Variants in RNF40 observed in about 807,000 individuals in gnomAD.
RNF40 encodes ring finger protein 40.
In RNF40, 39 loss-of-function variants were observed where a neutral mutation model predicts 123.3. That is an observed-to-expected ratio of 0.32 (90% CI 0.24 to 0.41). The LOEUF (loss-of-function observed/expected upper bound fraction) is 0.41. Among genes scored for constraint, RNF40 ranks in the 10% least tolerant of loss-of-function variants. The pLI is 1.00. For missense variants in RNF40, 1,003 were observed against 1,319.9 expected (o/e 0.76, Z 3.72); for synonymous variants, 538 against 526.0 (o/e 1.02, Z -0.31).
At position 30,764,158 on chromosome 16, in the gene RNF40, G is replaced by A. The variant is rs556298174; in HGVS notation, c.443-21G>A. The A allele has an allele frequency of 3.8e-6, 6 of 1,589,570 alleles. No individual in the cohort carries two copies. In the African/African-American group the frequency reaches 8.1e-5, roughly 21 times the overall value. The stretch of plus-strand genomic sequence containing the variant: ...GTAACTGCTGCTCTTATCCTCATGA[G>A]GGTCTGTCCATTCCTTCCAGACCCC... On this transcript the variant is annotated intron_variant, in intron 4 of 19. Transcript: ENST00000324685.
intron 19 of RNF40, among the ~76,000 whole-genome samples, chr16:30,773,032 G>C (rs887336105): frequency 6.6e-6 from 1 of 152,170 alleles, no homozygotes; most frequent in Non-Finnish European, 1.5e-5. Flanking sequence ...TACCATTTAG[G>C]GGGTTAGGAG....
rs943930777 is a variant in RNF40, at chr16:30,775,305, C to T, written c.*1191C>T. ...GGGAGGGCTCAGACTTAACGGCCGG[C>T]AGGGATCCCGGACTGGGCCTGAAGG... On this transcript the variant is annotated 3_prime_UTR_variant, in exon 20 of 20. Coordinates refer to ENST00000324685, the MANE Select transcript of RNF40 (RefSeq NM_014771.4). 3.0e-5 allele frequency: 9 copies of T among 301,686 alleles called. No homozygotes were observed. Among genetic ancestry groups the T allele is most frequent in the Non-Finnish European group, 3.2e-5 (5 of 154,274 alleles). The allele number at this position is 301,686 out of a possible 1,614,324, so 18.7% of individuals were successfully genotyped here.
At position 30,762,602 on chromosome 16, in the gene RNF40, AAAG is replaced by A; in HGVS notation, c.61_63del (p.Lys21del). 1 of 1,609,454 alleles carries A rather than the reference AAAG, an allele frequency of 6.2e-7. No individual in the cohort carries two copies. Among genetic ancestry groups the A allele is most frequent in the South Asian group, 1.1e-5 (1 of 90,774 alleles). On this transcript the variant is annotated inframe_deletion, in exon 2 of 20. Transcript: ENST00000324685. ...GCGACGGGGGCTCAGGGCCCCCGGA[AAAG>A]AAGCTGAGTCGTGAGGAGAAGACCA...
chr16:30,763,696 G>A (rs2053949141), intron 4 of RNF40, 137 bp downstream of exon 4: 1 of 912,320 alleles, frequency 1.1e-6, no homozygotes, highest in African/African-American at 1.7e-5. Flanking sequence ...GGGCAGTAAA[G>A]TGCAGTGCAC....
Position 30,768,918 on chromosome 16 carries a change from C to T in RNF40, c.2178C>T (p.Ala726=), listed in dbSNP as rs773177825. Residue 726 remains alanine, a synonymous_variant, in exon 15 of 20, where the codon GCC becomes GCT. Coordinates refer to ENST00000324685, the MANE Select transcript of RNF40 (RefSeq NM_014771.4). This position sits in a 1 kb window ranked among gnomAD's most constrained non-coding sequence, Gnocchi z 4.1. ...RESKKIADED[A]LRRIRQAEEQ... Reference sequence around the variant, plus strand: ...GCAAGAAGATCGCGGATGAGGATGCCCTGCGGCGCATTCGGCAGGCAGAGG... The same window carrying T: ...GCAAGAAGATCGCGGATGAGGATGCTCTGCGGCGCATTCGGCAGGCAGAGG... The T allele has an allele frequency of 3.7e-6, 6 of 1,614,154 alleles. No homozygotes were observed. The highest frequency in any genetic ancestry group is 4.5e-5 in the East Asian group (2 of 44,872).
Position 30,766,343 on chromosome 16 carries a change from C to T in RNF40, c.1114-36C>T, listed in dbSNP as rs185288034. ...GTAAGGGAGGGACTGAGCCCTGAAT[C>T]CTGTTGCTGATCCCATTTGGGCATC... is the stretch of plus-strand genomic sequence containing the variant. On this transcript the variant is annotated intron_variant, in intron 9 of 19. Transcript: ENST00000324685. The surrounding 1 kb of genome is among the most constrained non-coding windows in gnomAD (Gnocchi z 5.4). The T allele has an allele frequency of 4.6e-3, 7,410 of 1,612,412 alleles. 43 individuals carry two copies. Among genetic ancestry groups the T allele is most frequent in the Middle Eastern group, 0.015 (89 of 6,056 alleles).
chr16:30,772,893 T>C (rs2054172242), intron 19 of RNF40, among the ~76,000 whole-genome samples: 1 of 151,774 alleles, frequency 6.6e-6, no homozygotes, highest in South Asian at 2.1e-4. Flanking sequence ...CCAGAGTAGA[T>C]GGGTTCAGGA....
chr16:30,762,277 T>TGG (rs141812412), upstream of RNF40: 8,309 of 399,462 alleles, frequency 0.021, 54 homozygotes, highest in Non-Finnish European at 0.024. Flanking sequence ...TGCGCACCGT[T>TGG]GGGGGGGGGG....
intron 19 of RNF40, 81 bp downstream of exon 19, chr16:30,772,271 G>C (rs1384983201): frequency 6.1e-6 from 7 of 1,139,478 alleles, no homozygotes; most frequent in Non-Finnish European, 3.9e-6. Flanking sequence ...AGAGTCTGGG[G>C]ACCCTGGAAG....
At chr16:30,773,731 C>T (rs971263710) in intron 19 of RNF40, 12 of 491,060 alleles carry the variant, frequency 2.4e-5, no homozygotes, top group Non-Finnish European at 4.0e-5. Flanking sequence ...GTGATGAATC[C>T]GGACTCTGCT....
At chr16:30,762,283 G>C (rs918602626), upstream of RNF40, 3 of 464,040 alleles carry the variant, frequency 6.5e-6, no homozygotes, top group African/African-American at 2.1e-5. Flanking sequence ...CCGTTGGGGG[G>C]GGGGCAGTGG....
chr16:30,762,583 G>A lies in RNF40; in HGVS notation c.38G>A (p.Gly13Glu). 1.9e-6 allele frequency: 3 copies of A among 1,602,272 alleles called. No homozygotes were observed. Among genetic ancestry groups the A allele is most frequent in the Non-Finnish European group, 2.5e-6 (3 of 1,177,494 alleles). ...GPGNKRAAGD[G>E]GSGPPEKKLS... ...GGCAACAAACGCGCCGCCGGCGACG[G>A]GGGCTCAGGGCCCCCGGAAAAGAAG... The change falls in exon 2 of 20, where the codon GGG becomes GAG. Residue 13 changes from glycine (G) to glutamate (E), a missense_variant. Gly to Glu is a moderately conservative substitution (Grantham distance 98, BLOSUM62 -2). This residue lies in a region of RNF40 where 51 missense variants were observed against 56.2 expected (regional missense o/e 0.91). Coordinates refer to ENST00000324685, the MANE Select transcript of RNF40 (RefSeq NM_014771.4).
chr16:30,765,781 C>G (rs1431241544), intron 8 of RNF40, among the ~76,000 whole-genome samples: 1 of 152,186 alleles, frequency 6.6e-6, no homozygotes, highest in Non-Finnish European at 1.5e-5. Context: ...TGGTAACAGA[C>G]AAGAAATCAG....
chr16:30,771,875 C>T lies in RNF40; in HGVS notation c.2629C>T (p.Leu877=), dbSNP rs1301789857. 5.7e-5 allele frequency: 92 copies of T among 1,607,896 alleles called. No homozygotes were observed. The highest frequency in any genetic ancestry group is 3.1e-4 in the East Asian group (14 of 44,814). ...GCTGGCCGAGGACCTGAAGGTGCAG[C>T]TGGAGCACGTGCAGACTCGGCTGCG... is the stretch of plus-strand genomic sequence containing the variant. ...AQLAEDLKVQ[L]EHVQTRLREI... is the part of the protein sequence containing the mutation. The change falls in exon 18 of 20, where the codon CTG becomes TTG. Residue 877 remains leucine, a synonymous_variant. Coordinates refer to ENST00000324685, the MANE Select transcript of RNF40 (RefSeq NM_014771.4).
At chr16:30,764,056 A>G (rs1379999901) in intron 4 of RNF40, 123 bp from the exon 5 acceptor site, 2 of 703,488 alleles carry the variant, frequency 2.8e-6, no homozygotes, top group African/African-American at 1.8e-5. Context: ...TGGAGATAAT[A>G]GTGCACTATA....
In RNF40 at chr16:30,775,055, C is replaced by A. The variant is rs751855622; in HGVS notation, c.*941C>A. On this transcript the variant is annotated 3_prime_UTR_variant, in exon 20 of 20. Coordinates refer to ENST00000324685, the MANE Select transcript of RNF40 (RefSeq NM_014771.4). ...GTCTGCCTGCCCAGCCATGCTCCATCGGCTGTGAGGGCAGTGCCCGGAGAG... is the reference window on the plus strand; with the variant it reads ...GTCTGCCTGCCCAGCCATGCTCCATAGGCTGTGAGGGCAGTGCCCGGAGAG... 2.2e-6 allele frequency: 1 copy of A among 456,446 alleles called. No individual in the cohort carries two copies. Among genetic ancestry groups the A allele is most frequent in the Non-Finnish European group, 4.4e-6 (1 of 226,732 alleles). 28.3% of individuals were successfully genotyped at this position (456,446 alleles called of 1,614,324 possible).
Position 30,762,625 on chromosome 16 carries a change from A to G in RNF40, c.80A>G (p.Lys27Arg). The G allele has an allele frequency of 6.2e-7, 1 of 1,612,148 alleles. No homozygotes were observed. The highest frequency in any genetic ancestry group is 8.5e-7 in the Non-Finnish European group (1 of 1,179,690). The change falls in exon 2 of 20, where the codon AAG (lysine) becomes AGG (arginine). Residue 27 changes from lysine to arginine, a missense_variant. Around this residue, in one of 11 missense-constraint regions of RNF40, gnomAD observed 51 missense variants for 56.2 expected, o/e 0.91. Coordinates refer to ENST00000324685, the MANE Select transcript of RNF40 (RefSeq NM_014771.4). ...PPEKKLSREEKTTTTLIEPIR... is the reference protein window; with the variant it reads ...PPEKKLSREERTTTTLIEPIR... ...GAAAAGAAGCTGAGTCGTGAGGAGA[A>G]GACCACCACGACTCTTATCGAGCCC... is the stretch of plus-strand genomic sequence containing the variant.
At chr16:30,762,855 T>C (rs2053900508) in intron 2 of RNF40, 178 bp downstream of exon 2, 1 of 885,536 alleles carries the variant, frequency 1.1e-6, no homozygotes, top group Non-Finnish European at 1.7e-6. Flanking sequence ...CCTTTACAGA[T>C]AGGAAAACAG....
At position 30,772,199 on chromosome 16, in the gene RNF40, G is replaced by C. The variant is rs1226226149; in HGVS notation, c.2829+9G>C. The C allele has an allele frequency of 6.5e-7, 1 of 1,547,464 alleles. No individual in the cohort carries two copies. Among genetic ancestry groups the C allele is most frequent in the African/African-American group, 1.4e-5 (1 of 73,082 alleles). ...AGATCAAGGAGTACAAGGTGGGGCTGTGGGCCAAGTTGTGCCCTATCCACC... is the reference window on the plus strand; with the variant it reads ...AGATCAAGGAGTACAAGGTGGGGCTCTGGGCCAAGTTGTGCCCTATCCACC... On this transcript the variant is annotated intron_variant, in intron 19 of 19. Coordinates refer to ENST00000324685, the MANE Select transcript of RNF40 (RefSeq NM_014771.4).
Sources: gnomAD v4.1 joint callset for allele counts (sites outside exome capture counted in the v4.1 genomes callset) on GRCh38, gnomAD v4.1.1 for gene constraint, gnomAD v4.1.1 regional missense constraint, Gnocchi (gnomAD v3.1) non-coding constraint, MANE v1.5 for transcripts, NCBI Gene and HGNC (gene_info 2026-07-23, HGNC 2026-07-21) for gene names.